Variants in CADM2 observed in about 807,000 individuals in gnomAD.
CADM2 encodes the protein immunoglobulin superfamily member 4D.
Under a neutral mutation model 49.8 loss-of-function variants are expected in CADM2, and 12 were observed. The ratio of observed to expected loss-of-function variants is 0.24; its 90% CI spans 0.15 to 0.39. CADM2 has a LOEUF of 0.39. Among genes scored for constraint, CADM2 ranks in the 10% least tolerant of loss-of-function variants. The probability of loss-of-function intolerance (pLI) is 1.00; values close to 1 mark genes in which losing one functional copy is unlikely to be tolerated. For synonymous variants in CADM2, 214 were observed against 175.4 expected, an observed-to-expected ratio of 1.22 and a Z score of -1.74; for missense variants, 378 against 492.3, an observed-to-expected ratio of 0.77 and a Z score of 2.20.
At chr3:85,678,035 T>C (rs958452496) in intron 1 of CADM2, among the ~76,000 whole-genome samples, 1 of 152,170 alleles carries the variant, frequency 6.6e-6, no homozygotes, top group African/African-American at 2.4e-5. Context: ...AATCACACAT[T>C]GGCTTACCAA....
chr3:85,040,237 A>G (rs1424346079), intron 1 of CADM2, among the ~76,000 whole-genome samples: 2 of 152,200 alleles, frequency 1.3e-5, no homozygotes, highest in Non-Finnish European at 2.9e-5. Context: ...TGAAATCACT[A>G]AACCTATAAA....
At chr3:86,005,861 C>T (rs1343939796) in intron 8 of CADM2, among the ~76,000 whole-genome samples, 1 of 152,134 alleles carries the variant, frequency 6.6e-6, no homozygotes. Flanking sequence ...CCCCCGCAAC[C>T]CCCCGACAGG....
intron 8 of CADM2, among the ~76,000 whole-genome samples, chr3:86,025,144 C>G (rs1733731222): frequency 6.6e-6 from 1 of 151,928 alleles, no homozygotes; most frequent in Non-Finnish European, 1.5e-5. Context: ...AAACCTCTGT[C>G]TCCTGAGTTC....
chr3:85,992,591 C>G (rs1489607817), intron 8 of CADM2: 1 of 152,090 alleles, frequency 6.6e-6, no homozygotes, highest in Non-Finnish European at 1.5e-5. Context: ...TATCATGAGT[C>G]TCACACATTT....
chr3:85,321,624 A>T (rs1172749758), intron 1 of CADM2, among the ~76,000 whole-genome samples: 4 of 152,122 alleles, frequency 2.6e-5, no homozygotes, highest in African/African-American at 4.8e-5. Context: ...AAACAGTATA[A>T]TTTGATTTTA....
At chr3:85,699,212 A>T (rs890257339) in intron 1 of CADM2, among the ~76,000 whole-genome samples, 19 of 152,110 alleles carry the variant, frequency 1.2e-4, no homozygotes, top group African/African-American at 4.6e-4. Context: ...GTGACTTTGC[A>T]GGGTTTGGCC....
chr3:85,487,386 C>A (rs542367077), intron 1 of CADM2, among the ~76,000 whole-genome samples: 2 of 152,176 alleles, frequency 1.3e-5, no homozygotes, highest in Non-Finnish European at 2.9e-5. Context: ...ATAAACCGGA[C>A]ATGGTGGTGT....
At chr3:85,683,891 T>C (rs2066113510) in intron 1 of CADM2, among the ~76,000 whole-genome samples, 1 of 152,152 alleles carries the variant, frequency 6.6e-6, no homozygotes, top group Admixed American at 6.5e-5. Context: ...GTAATCACTA[T>C]GACCATTCAA....
intron 1 of CADM2, among the ~76,000 whole-genome samples, chr3:85,012,029 T>C (rs73139670): frequency 6.6e-6 from 1 of 151,400 alleles, no homozygotes; most frequent in Non-Finnish European, 1.5e-5. Flanking sequence ...TTTAAACTAC[T>C]AAACAGAAGA....
chr3:85,969,858 C>T (rs559721961), intron 8 of CADM2, among the ~76,000 whole-genome samples: 2 of 150,776 alleles, frequency 1.3e-5, no homozygotes, highest in Non-Finnish European at 3.0e-5. Context: ...AGAGAAGAAA[C>T]TTTAGTGAAG....
intron 1 of CADM2, among the ~76,000 whole-genome samples, chr3:85,278,746 GT>G (rs1324861037): frequency 9.3e-5 from 14 of 150,778 alleles, no homozygotes; most frequent in African/African-American, 1.2e-4. Flanking sequence ...GTGTGTGTGT[GT>G]GTGTGTGTGT....
chr3:85,498,959 T>C (rs916372717), intron 1 of CADM2, among the ~76,000 whole-genome samples: 3 of 152,182 alleles, frequency 2.0e-5, no homozygotes. Flanking sequence ...GACATTTGCG[T>C]AATGTTTTCC....
At chr3:85,864,936 C>A (rs893459535) in intron 3 of CADM2, among the ~76,000 whole-genome samples, 1 of 152,186 alleles carries the variant, frequency 6.6e-6, no homozygotes, top group Admixed American at 6.5e-5. Flanking sequence ...ATTCACTCTT[C>A]CAGTCTTGAG....
intron 1 of CADM2, among the ~76,000 whole-genome samples, chr3:85,652,633 A>G (rs2065074016): frequency 6.6e-6 from 1 of 152,160 alleles, no homozygotes; most frequent in African/African-American, 2.4e-5. Flanking sequence ...CAAAGAGATT[A>G]GAGTCTGGAA....
chr3:85,290,211 G>A (rs544016304), intron 1 of CADM2, among the ~76,000 whole-genome samples: 5 of 152,290 alleles, frequency 3.3e-5, no homozygotes, highest in African/African-American at 1.2e-4. Flanking sequence ...ACTCCCACCC[G>A]AATACTGCGC....
rs185205615 is a variant in CADM2 at position 85,484,989 on chromosome 3, T to C, written c.62-241533T>C. Among the ~76,000 whole-genome samples, 1,309 of 151,910 alleles carry C rather than the reference T, an allele frequency of 8.6e-3. 23 individuals carry two copies. The highest frequency in any genetic ancestry group is 0.03 in the African/African-American group (1,262 of 41,492). ...GGCTTTAAACAACCACAAACCCCTG[T>C]CAAAACAGTGACACTTAAAGAATAA... On this transcript the variant is annotated intron_variant, in intron 1 of 9. Transcript: ENST00000383699.
In CADM2 at chr3:85,568,461, T is replaced by TTC. The variant is rs370465976; in HGVS notation, c.62-158057_62-158056dup. 7.4e-3 allele frequency among the ~76,000 whole-genome samples: 112 copies of TTC among 15,220 alleles called. 11 individuals carry two copies. The highest frequency in any genetic ancestry group is 0.01 in the African/African-American group (71 of 6,820). The allele number at this position is 15,220 out of a possible 152,430, so 10.0% of individuals were successfully genotyped here. On this transcript the variant is annotated intron_variant, in intron 1 of 9. Coordinates refer to ENST00000383699, the MANE Select transcript of CADM2 (RefSeq NM_001167675.2). ...TTTCTTTCTTTCTTTCTTTCTTTCTTTCTCTTTCTCTCTCTTTCTTTCTTT... is the reference window on the plus strand; with the variant it reads ...TTTCTTTCTTTCTTTCTTTCTTTCTTTCTCTCTTTCTCTCTCTTTCTTTCTTT...
chr3:85,199,615 A>C (rs1028432557), intron 1 of CADM2, among the ~76,000 whole-genome samples: 1 of 151,928 alleles, frequency 6.6e-6, no homozygotes, highest in Non-Finnish European at 1.5e-5. Context: ...TGAATTTATA[A>C]ATCTCTAGTA....
At chr3:85,149,001 C>T (rs2039837577) in intron 1 of CADM2, among the ~76,000 whole-genome samples, 1 of 151,712 alleles carries the variant, frequency 6.6e-6, no homozygotes. Context: ...TGTATTTTCT[C>T]CCAATACGTG....
Sources: gnomAD v4.1 joint callset for allele counts (sites outside exome capture counted in the v4.1 genomes callset) on GRCh38, gnomAD v4.1.1 for gene constraint, MANE v1.5 for transcripts, NCBI Gene and HGNC (gene_info 2026-07-23, HGNC 2026-07-21) for gene names.